Variants in SLC25A21 observed in about 807,000 individuals in gnomAD.
SLC25A21 encodes mitochondrial 2-oxodicarboxylate carrier.
SLC25A21 carries 47 observed loss-of-function variants against 43.8 expected under a neutral mutation model. The ratio of observed to expected loss-of-function variants is 1.07; its 90% CI spans 0.85 to 1.37. The LOEUF is 1.37. Among genes scored for constraint, SLC25A21 ranks in the 40% most tolerant of loss-of-function variants. The pLI is 0.00. For missense variants in SLC25A21, 352 were observed against 350.2 expected (o/e 1.00, Z -0.04); for synonymous variants, 131 against 121.3 (o/e 1.08, Z -0.52).
At chr14:36,956,709 G>C (rs146306380) in intron 1 of SLC25A21, among the ~76,000 whole-genome samples, 14 of 152,156 alleles carry the variant, frequency 9.2e-5, no homozygotes, top group African/African-American at 2.9e-4. Flanking sequence ...AATCTCTGCA[G>C]AATTAACTTA....
At chr14:36,837,753 T>C (rs1219698709) in intron 2 of SLC25A21, among the ~76,000 whole-genome samples, 1 of 152,172 alleles carries the variant, frequency 6.6e-6, no homozygotes, top group Non-Finnish European at 1.5e-5. Flanking sequence ...ACAACTCACT[T>C]GTATAGCTAA....
chr14:37,022,974 C>A (rs1961019158), intron 1 of SLC25A21, among the ~76,000 whole-genome samples: 2 of 152,028 alleles, frequency 1.3e-5, no homozygotes, highest in Admixed American at 1.3e-4. Flanking sequence ...ACTCTTGATG[C>A]AGACATGACC....
At position 36,710,427 on chromosome 14, in the gene SLC25A21, A is replaced by G. The variant is rs542520237; in HGVS notation, c.603+891T>C. Among the ~76,000 whole-genome samples the G allele has an allele frequency of 6.6e-5, 10 of 152,014 alleles. No individual in the cohort carries two copies. In the South Asian group the frequency reaches 1.7e-3, roughly 25 times the overall value. On this transcript the variant is annotated intron_variant, in intron 7 of 9. Transcript: ENST00000331299. The stretch of plus-strand genomic sequence containing the variant: ...AAAAGGAAACGGGGAAAAAAAAGAA[A>G]GAAAGAAAGAAAGAAAAAGAAAGAA...
At chr14:36,854,009 A>G (rs1202112967) in intron 2 of SLC25A21, among the ~76,000 whole-genome samples, 1 of 152,218 alleles carries the variant, frequency 6.6e-6, no homozygotes, top group Non-Finnish European at 1.5e-5. Context: ...TAGTAGATCC[A>G]TGTGACCTGT....
chr14:37,138,138 T>C (rs1370673154), intron 1 of SLC25A21, among the ~76,000 whole-genome samples: 1 of 152,152 alleles, frequency 6.6e-6, no homozygotes, highest in Non-Finnish European at 1.5e-5. Flanking sequence ...CCAGATGTAA[T>C]ATCCCACCCC....
rs375276298 is a variant in SLC25A21 at position 37,172,392 on chromosome 14, C to G, written c.-42G>C. 2 of 1,557,008 alleles carry G rather than the reference C, an allele frequency of 1.3e-6. No homozygotes were observed. Among genetic ancestry groups the G allele is most frequent in the African/African-American group, 2.7e-5 (2 of 73,772 alleles). ...GACAAGGGAGTGGGCTGAGATGCGT[C>G]AACGAGCTCGCAGCCTGCACAGCCT... On this transcript the variant is annotated 5_prime_UTR_variant, in exon 1 of 10. Coordinates refer to ENST00000331299, the MANE Select transcript of SLC25A21 (RefSeq NM_030631.4).
intron 7 of SLC25A21, among the ~76,000 whole-genome samples, chr14:36,689,388 T>G (rs1248909606): frequency 6.6e-6 from 1 of 152,198 alleles, no homozygotes; most frequent in East Asian, 1.9e-4. Flanking sequence ...TATCAGCTTC[T>G]GTGTCTGTGT....
chr14:37,055,825 A>C (rs771004827), intron 1 of SLC25A21, among the ~76,000 whole-genome samples: 2 of 152,244 alleles, frequency 1.3e-5, no homozygotes, highest in African/African-American at 2.4e-5. Flanking sequence ...TATAAATTCT[A>C]GAAAATAACA....
chr14:36,739,673 T>C (rs1885173690), intron 3 of SLC25A21, among the ~76,000 whole-genome samples: 1 of 125,338 alleles, frequency 8.0e-6, no homozygotes, highest in African/African-American at 3.3e-5. Context: ...CAAGACTCTG[T>C]CTAAAAAAAA....
intron 1 of SLC25A21, among the ~76,000 whole-genome samples, chr14:37,090,337 C>T (rs1056511991): frequency 2.0e-5 from 3 of 152,220 alleles, no homozygotes; most frequent in South Asian, 2.1e-4. Flanking sequence ...AAAAGTAAAA[C>T]GGAATGATGC....
chr14:37,042,743 C>T (rs1961501702), intron 1 of SLC25A21, among the ~76,000 whole-genome samples: 1 of 152,108 alleles, frequency 6.6e-6, no homozygotes, highest in Admixed American at 6.6e-5. Flanking sequence ...TTGTGTAAAC[C>T]AGGGCATGTG....
At chr14:37,073,315 A>G (rs1171444440) in intron 1 of SLC25A21, among the ~76,000 whole-genome samples, 1 of 152,192 alleles carries the variant, frequency 6.6e-6, no homozygotes, top group Non-Finnish European at 1.5e-5. Context: ...AATCCACTAT[A>G]TAAGTAACTG....
chr14:36,706,242 C>T (rs1247303678), intron 7 of SLC25A21, among the ~76,000 whole-genome samples: 13 of 152,210 alleles, frequency 8.5e-5, no homozygotes. Flanking sequence ...GGGACCATCT[C>T]ACTTCACACT....
intron 1 of SLC25A21, among the ~76,000 whole-genome samples, chr14:37,110,849 C>G (rs1240472346): frequency 6.6e-6 from 1 of 152,052 alleles, no homozygotes; most frequent in African/African-American, 2.4e-5. Flanking sequence ...TTTGAAGAGA[C>G]TATAAACTAT....
At chr14:37,018,875 ATAT>A (rs767034165) in intron 1 of SLC25A21, among the ~76,000 whole-genome samples, 3 of 152,056 alleles carry the variant, frequency 2.0e-5, no homozygotes, top group South Asian at 4.1e-4. Context: ...ATATTGCCAA[ATAT>A]TATTATTTTC....
At chr14:36,966,641 G>A (rs954704091) in intron 1 of SLC25A21, among the ~76,000 whole-genome samples, 7 of 152,170 alleles carry the variant, frequency 4.6e-5, no homozygotes, top group East Asian at 1.9e-4. Context: ...GCTCCTCTGC[G>A]ACATTCCCAT....
At chr14:37,162,123 G>A (rs914292136) in intron 1 of SLC25A21, among the ~76,000 whole-genome samples, 10 of 152,232 alleles carry the variant, frequency 6.6e-5, no homozygotes, top group African/African-American at 2.2e-4. Flanking sequence ...GGAGAGAGGT[G>A]TGGGTCAGAT....
At chr14:36,937,630 A>G (rs774683335) in intron 1 of SLC25A21, among the ~76,000 whole-genome samples, 4 of 152,198 alleles carry the variant, frequency 2.6e-5, no homozygotes, top group African/African-American at 9.6e-5. Flanking sequence ...CTATGCCAAC[A>G]TAATTTTGGA....
intron 1 of SLC25A21, among the ~76,000 whole-genome samples, chr14:36,934,972 A>C (rs1279663686): frequency 6.6e-6 from 1 of 151,932 alleles, no homozygotes; most frequent in Admixed American, 6.6e-5. Flanking sequence ...AAAAAATCCA[A>C]CAGCTAAAAC....
Sources: allele counts gnomAD v4.1 joint callset (sites outside exome capture counted in the v4.1 genomes callset), GRCh38; gene constraint gnomAD v4.1.1; transcripts MANE v1.5; gene names NCBI Gene and HGNC (gene_info 2026-07-23, HGNC 2026-07-21).